RBM4: variants seen among roughly 807,000 people sequenced by gnomAD.
RBM4 encodes RNA binding motif protein 4, also known as RNA-binding protein 4.
In RBM4, 7 loss-of-function variants were observed where a neutral mutation model predicts 29.5. That is an observed-to-expected ratio of 0.24 (90% CI 0.14 to 0.45). The LOEUF is 0.45. Ranked by LOEUF, RBM4 falls within the 20% of genes least tolerant of loss-of-function variation. The probability of loss-of-function intolerance (pLI) is 1.00; values close to 1 mark genes in which losing one functional copy is unlikely to be tolerated. For synonymous variants in RBM4, 220 were observed against 205.4 expected, an observed-to-expected ratio of 1.07 and a Z score of -0.61; for missense variants, 387 against 502.3, an observed-to-expected ratio of 0.77 and a Z score of 2.19.
chr11:66,642,489 G>A (rs940450434), intron 2 of RBM4, among the ~76,000 whole-genome samples: 1 of 152,166 alleles, frequency 6.6e-6, no homozygotes, highest in Admixed American at 6.5e-5. Context: ...ATTTTCAGAA[G>A]TAATACTTTT....
At chr11:66,660,755 G>A (rs1456540286) in intron 2 of RBM4, among the ~76,000 whole-genome samples, 33 of 151,524 alleles carry the variant, frequency 2.2e-4, no homozygotes, top group Non-Finnish European at 4.1e-4. Flanking sequence ...CCGGGTTCAC[G>A]CCATTCTTCT....
At position 66,643,913 on chromosome 11, in the gene RBM4, C is replaced by T. The variant is rs775910343; in HGVS notation, c.876C>T (p.Ala292=). ...CCACAGCTGCTGCTGCAGCAGCAGC[C>T]GCTGCTGCTGTTACTGCAGCTTCCA... The part of the protein sequence containing the change: ...AAATAAAAAA[A]AAAVTAASTS... Residue 292 remains alanine, a synonymous_variant, in exon 3 of 4, where the codon GCC becomes GCT. Transcript: ENST00000310092. The surrounding 1 kb of genome is among the most constrained non-coding windows in gnomAD (Gnocchi z 6.1). The T allele has an allele frequency of 7.8e-5, 125 of 1,608,930 alleles. No homozygotes were observed. The highest frequency in any genetic ancestry group is 3.3e-4 in the African/African-American group (25 of 74,722).
chr11:66,639,694 T>C lies in RBM4; in HGVS notation c.-12-6T>C. ...TTTTGTCAGATGTCTTGTTTTTCTCTCCCAGGCTCTTGTCAGGATGGTGAA... is the reference window on the plus strand; with the variant it reads ...TTTTGTCAGATGTCTTGTTTTTCTCCCCCAGGCTCTTGTCAGGATGGTGAA... On this transcript the variant is annotated splice_polypyrimidine_tract_variant and splice_region_variant and intron_variant, in intron 1 of 3. Transcript: ENST00000310092. 1.2e-6 allele frequency: 2 copies of C among 1,609,648 alleles called. No homozygotes were observed. The highest frequency in any genetic ancestry group is 1.7e-6 in the Non-Finnish European group (2 of 1,176,606).
intron 2 of RBM4, among the ~76,000 whole-genome samples, chr11:66,663,482 A>T (rs1257647923): frequency 6.6e-6 from 1 of 152,094 alleles, no homozygotes; most frequent in Non-Finnish European, 1.5e-5. Flanking sequence ...CTCCTGCCTC[A>T]GCCTCCCGAG....
chr11:66,668,210 A>C, exon 3 of RBM4: 1 of 167,318 alleles, frequency 6.0e-6, no homozygotes, highest in Non-Finnish European at 1.3e-5. Context: ...CTTTGGGCAA[A>C]GTACTTAACC....
intron 2 of RBM4, among the ~76,000 whole-genome samples, chr11:66,657,161 CT>C (rs1938965618): frequency 7.7e-6 from 1 of 129,076 alleles, no homozygotes; most frequent in African/African-American, 3.1e-5. Flanking sequence ...GTTGCCTAGG[CT>C]GGAGTACAGT....
At chr11:66,647,156 A>G (rs1332641715), downstream of RBM4, among the ~76,000 whole-genome samples, 1 of 152,164 alleles carries the variant, frequency 6.6e-6, no homozygotes, top group Non-Finnish European at 1.5e-5. Context: ...TGTCTTCCAT[A>G]TGTTTGGTCT....
Position 66,646,085 on chromosome 11 carries a change from G to A in RBM4, c.*67G>A, listed in dbSNP as rs761773244. 229 of 1,535,678 alleles carry A rather than the reference G, an allele frequency of 1.5e-4. 2 individuals are homozygous for A. In the South Asian group the frequency reaches 2.3e-3, roughly 16 times the overall value. On this transcript the variant is annotated 3_prime_UTR_variant, in exon 4 of 4. Transcript: ENST00000310092. ...GGTTGTGCATGAGAATACACCCTTC[G>A]TGGTACCCCATCTCCGGGACGTTCT... is the stretch of plus-strand genomic sequence containing the variant.
chr11:66,651,990 G>A (rs1308401294), intron 2 of RBM4, among the ~76,000 whole-genome samples: 2 of 152,132 alleles, frequency 1.3e-5, no homozygotes, highest in Non-Finnish European at 2.9e-5. Context: ...ACTATAGCAA[G>A]ATTCAACTGT....
At chr11:66,649,838 G>A, downstream of RBM4, 1 of 687,578 alleles carries the variant, frequency 1.5e-6, no homozygotes, top group Non-Finnish European at 2.6e-6. Flanking sequence ...TGGCCTCCCA[G>A]AGTTTTTGCA....
At chr11:66,645,156 G>A (rs1350671191) in intron 3 of RBM4, among the ~76,000 whole-genome samples, 4 of 152,106 alleles carry the variant, frequency 2.6e-5, no homozygotes, top group African/African-American at 4.8e-5. Context: ...CCCTGAGTCC[G>A]CTGGCTTTTT....
At chr11:66,641,467 G>A (rs1938460908) in intron 2 of RBM4, among the ~76,000 whole-genome samples, 1 of 152,134 alleles carries the variant, frequency 6.6e-6, no homozygotes, top group Non-Finnish European at 1.5e-5. Flanking sequence ...GGCAAGTTGA[G>A]AATTATTTTG....
chr11:66,653,808 TTTTTTTTTTTC>T (rs1021950452), intron 2 of RBM4, among the ~76,000 whole-genome samples: 110 of 145,980 alleles, frequency 7.5e-4, no homozygotes, highest in Non-Finnish European at 2.0e-4. Context: ...CTTTTTTCTC[TTTTTTTTTTTC>T]TTTTTTTTTT....
chr11:66,663,278 T>A (rs1280794660), intron 2 of RBM4, among the ~76,000 whole-genome samples: 1 of 152,236 alleles, frequency 6.6e-6, no homozygotes. Flanking sequence ...CAAAGTACTA[T>A]GTATGAATAT....
chr11:66,650,455 C>T (rs1045113901), downstream of RBM4, among the ~76,000 whole-genome samples: 1 of 151,942 alleles, frequency 6.6e-6, no homozygotes, highest in African/African-American at 2.4e-5. Context: ...CCTGTAATCC[C>T]ATCTGCTTGG....
At chr11:66,655,279 C>T (rs1488935433) in intron 2 of RBM4, among the ~76,000 whole-genome samples, 1 of 151,656 alleles carries the variant, frequency 6.6e-6, no homozygotes, top group African/African-American at 2.4e-5. Flanking sequence ...AGCCACTGCA[C>T]TCGGCACTTC....
At position 66,643,680 on chromosome 11, in the gene RBM4, T is replaced by C; in HGVS notation, c.643T>C (p.Tyr215His). ...GGATTCATTGTATTACAACAACGCG[T>C]ACGGAGCGCTCGATGCCTACTACAA... is the stretch of plus-strand genomic sequence containing the variant. The part of the protein sequence containing the change: ...YGDSLYYNNA[Y>H]GALDAYYKRC... Residue 215 changes from tyrosine (Y) to histidine (H), a missense_variant, in exon 3 of 4, where the codon TAC becomes CAC. Coordinates refer to ENST00000310092, the MANE Select transcript of RBM4 (RefSeq NM_002896.4). The surrounding 1 kb of genome is among the most constrained non-coding windows in gnomAD (Gnocchi z 6.1). 1 of 1,614,190 alleles carries C rather than the reference T, an allele frequency of 6.2e-7. No homozygotes were observed. The highest frequency in any genetic ancestry group is 8.5e-7 in the Non-Finnish European group (1 of 1,180,040).
intron 2 of RBM4, among the ~76,000 whole-genome samples, chr11:66,642,145 A>G (rs1331785909): frequency 3.3e-5 from 5 of 151,910 alleles, no homozygotes. Context: ...CCTCCTTGAT[A>G]TTTTGTTCCT....
At chr11:66,644,435 A>G (rs1399669190) in intron 3 of RBM4, 1 of 303,660 alleles carries the variant, frequency 3.3e-6, no homozygotes, top group Non-Finnish European at 5.9e-6. Flanking sequence ...TATGTACTAT[A>G]CTATAATTGA....
Sources: gnomAD v4.1 joint callset for allele counts (sites outside exome capture counted in the v4.1 genomes callset) on GRCh38, gnomAD v4.1.1 for gene constraint, Gnocchi (gnomAD v3.1) non-coding constraint, MANE v1.5 for transcripts, NCBI Gene and HGNC (gene_info 2026-07-23, HGNC 2026-07-21) for gene names.